Variants in CD44 observed in about 807,000 individuals in gnomAD.
CD44 encodes CD44 molecule (IN blood group).
In CD44, 49 loss-of-function variants were observed where a neutral mutation model predicts 88.8. That is an observed-to-expected ratio of 0.55 (90% CI 0.44 to 0.70). CD44 has a LOEUF of 0.70. Ranked by LOEUF, CD44 falls within the 30% of genes least tolerant of loss-of-function variation. The pLI is 0.00. For missense variants in CD44, 883 were observed against 913.8 expected (o/e 0.97, Z 0.43); for synonymous variants, 325 against 312.3 (o/e 1.04, Z -0.43).
In CD44 at chr11:35,229,442, T is replaced by A; in HGVS notation, c.*109T>A. On this transcript the variant is annotated 3_prime_UTR_variant, in exon 18 of 18. Coordinates refer to ENST00000428726, the MANE Select transcript of CD44 (RefSeq NM_000610.4). Reference sequence around the variant, plus strand: ...GCTACTGATTGTTTCATTGCGAATCTTTTTTAGCATAAAATTTTCTACTCT... The same window carrying A: ...GCTACTGATTGTTTCATTGCGAATCATTTTTAGCATAAAATTTTCTACTCT... The A allele has an allele frequency of 4.4e-6, 3 of 675,046 alleles. No homozygotes were observed. The highest frequency in any genetic ancestry group is 7.5e-6 in the Non-Finnish European group (3 of 401,908). 41.8% of individuals were successfully genotyped at this position (675,046 alleles called of 1,614,324 possible). A position where few individuals can be genotyped will look rare whatever the true frequency, so the allele number is the denominator to read the frequency against.
intron 1 of CD44, among the ~76,000 whole-genome samples, chr11:35,174,648 A>T (rs1944256170): frequency 6.6e-6 from 1 of 152,176 alleles, no homozygotes; most frequent in Non-Finnish European, 1.5e-5. Context: ...TGTCTACAAA[A>T]CTCACTAAAG....
intron 8 of CD44, 75 bp from the exon 9 acceptor site, chr11:35,201,596 A>C (rs1004279683): frequency 3.0e-5 from 47 of 1,560,162 alleles, no homozygotes; most frequent in African/African-American, 4.1e-5. Context: ...AATAGCATGC[A>C]CTTTAATGGA....
Position 35,231,740 on chromosome 11 carries a change from T to C in CD44, c.*2407T>C, listed in dbSNP as rs752643025. 6.6e-6 allele frequency: 1 copy of C among 152,196 alleles called. No individual in the cohort carries two copies. Among genetic ancestry groups the C allele is most frequent in the Non-Finnish European group, 1.5e-5 (1 of 68,022 alleles). 9.4% of individuals were successfully genotyped at this position (152,196 alleles called of 1,614,324 possible). ...CTTGACTACACGTCATTTTTACCAATGATTTTCAGGTGACCTGGGCTAAGT... is the reference window on the plus strand; with the variant it reads ...CTTGACTACACGTCATTTTTACCAACGATTTTCAGGTGACCTGGGCTAAGT... On this transcript the variant is annotated 3_prime_UTR_variant, in exon 18 of 18. Coordinates refer to ENST00000428726, the MANE Select transcript of CD44 (RefSeq NM_000610.4).
intron 1 of CD44, among the ~76,000 whole-genome samples, chr11:35,151,885 T>C (rs1376510563): frequency 6.6e-6 from 1 of 152,310 alleles, no homozygotes; most frequent in Non-Finnish European, 1.5e-5. Flanking sequence ...TTTACCCACA[T>C]GAAGTTAGAT....
At chr11:35,219,269 G>A (rs368158176) in intron 15 of CD44, 47 bp from the exon 16 acceptor site, 11 of 1,427,312 alleles carry the variant, frequency 7.7e-6, no homozygotes, top group Admixed American at 6.7e-5. Flanking sequence ...GGAACTCATG[G>A]TTACACATTT....
At chr11:35,228,271 G>A (rs10836346) in intron 17 of CD44, among the ~76,000 whole-genome samples, 15,190 of 152,178 alleles carry the variant, frequency 0.1, 840 homozygotes, top group African/African-American at 0.15. Context: ...TTAAATTAAC[G>A]AGAATAATTT....
At chr11:35,159,383 C>G (rs1020750296) in intron 1 of CD44, among the ~76,000 whole-genome samples, 4 of 152,308 alleles carry the variant, frequency 2.6e-5, no homozygotes, top group African/African-American at 7.2e-5. Flanking sequence ...GGTTTCTCAT[C>G]TGCTTTTAAT....
At chr11:35,165,183 A>G (rs181339017) in intron 1 of CD44, among the ~76,000 whole-genome samples, 2 of 152,270 alleles carry the variant, frequency 1.3e-5, no homozygotes, top group Admixed American at 1.3e-4. Context: ...CACTTGAAAT[A>G]CTGTGGTTGT....
intron 17 of CD44, among the ~76,000 whole-genome samples, chr11:35,224,115 T>C (rs1949523142): frequency 6.6e-6 from 1 of 152,182 alleles, no homozygotes; most frequent in Non-Finnish European, 1.5e-5. Flanking sequence ...TTATATAAAT[T>C]ATGGTTAAAA....
intron 1 of CD44, 81 bp downstream of exon 1, chr11:35,139,451 T>C: frequency 7.7e-7 from 1 of 1,293,726 alleles, no homozygotes. Context: ...TCCGGCTGAG[T>C]CGGCCCTGGG....
chr11:35,191,425 A>G (rs906673711), intron 5 of CD44, among the ~76,000 whole-genome samples: 1 of 152,162 alleles, frequency 6.6e-6, no homozygotes, highest in African/African-American at 2.4e-5. Context: ...GGCCCTCTTG[A>G]GTTTGCATCG....
rs2134496425 is a variant in CD44, at chr11:35,230,209, TTTTTTGTTTTTTG to T, written c.*882_*894del. 8.1e-6 allele frequency: 1 copy of T among 123,774 alleles called. No homozygotes were observed. Among genetic ancestry groups the T allele is most frequent in the African/African-American group, 3.4e-5 (1 of 28,992 alleles). The allele number at this position is 123,774 out of a possible 1,614,324, so 7.7% of individuals were successfully genotyped here. On this transcript the variant is annotated 3_prime_UTR_variant, in exon 18 of 18. Transcript: ENST00000428726. ...ACCAAGGAGGGCAGCACTGTTTTTG[TTTTTTGTTTTTTG>T]TTTTTTTTTTTTGACACTGTCCAAA...
chr11:35,205,696 G>T (rs1221776432), intron 10 of CD44: 8 of 623,630 alleles, frequency 1.3e-5, no homozygotes, highest in Non-Finnish European at 1.6e-5. Context: ...CCTTTCCTGA[G>T]ATCACTTCCA....
At chr11:35,176,901 A>T (rs1351307224) in intron 2 of CD44, 161 bp downstream of exon 2, 4 of 643,992 alleles carry the variant, frequency 6.2e-6, no homozygotes, top group Non-Finnish European at 1.0e-5. Context: ...CCTGTATGAC[A>T]ACTGGAGTTT....
chr11:35,164,727 T>A (rs1287919207), intron 1 of CD44, among the ~76,000 whole-genome samples: 3 of 152,250 alleles, frequency 2.0e-5, no homozygotes. Flanking sequence ...ACAATCTTTA[T>A]GAAAAACTTT....
At chr11:35,211,096 T>G (rs1469107221) in intron 13 of CD44, 150 bp from the exon 14 acceptor site, 14 of 638,492 alleles carry the variant, frequency 2.2e-5, no homozygotes, top group Non-Finnish European at 3.7e-5. Context: ...ATTTATTCTG[T>G]TCAATAGTAT....
chr11:35,159,932 T>C (rs1942385429), intron 1 of CD44, among the ~76,000 whole-genome samples: 1 of 152,182 alleles, frequency 6.6e-6, no homozygotes. Context: ...CCTAAGAAAC[T>C]GGATTTTTCT....
At chr11:35,206,325 C>G in intron 11 of CD44, 82 bp downstream of exon 11, 1 of 1,427,696 alleles carries the variant, frequency 7.0e-7, no homozygotes, top group Admixed American at 2.3e-5. Flanking sequence ...GAAATATGCC[C>G]TTGGTTTTAG....
intron 5 of CD44, among the ~76,000 whole-genome samples, chr11:35,196,370 T>C (rs778806966): frequency 6.6e-6 from 1 of 152,204 alleles, no homozygotes; most frequent in Non-Finnish European, 1.5e-5. Flanking sequence ...CAAAAAAGTT[T>C]AATCCCTCTT....
Sources: allele counts gnomAD v4.1 joint callset (sites outside exome capture counted in the v4.1 genomes callset), GRCh38; gene constraint gnomAD v4.1.1; transcripts MANE v1.5; gene names NCBI Gene and HGNC (gene_info 2026-07-23, HGNC 2026-07-21).